ATP5MJ: variants seen among roughly 807,000 people sequenced by gnomAD.
ATP5MJ encodes the protein ATP synthase F(0) complex subunit j, mitochondrial.
In ATP5MJ, 4 loss-of-function variants were observed where a neutral mutation model predicts 8.3. That is an observed-to-expected ratio of 0.48 (90% CI 0.24 to 1.11). The LOEUF is 1.11. Among genes scored for constraint, ATP5MJ ranks in the 50% least tolerant of loss-of-function variants. ATP5MJ has a pLI of 0.18. For missense variants in ATP5MJ, 66 were observed against 71.8 expected (o/e 0.92, Z 0.29); for synonymous variants, 23 against 21.3 (o/e 1.08, Z -0.23).
chr14:103,914,837 C>CAAAAAAAAAA (rs35916279), intron 2 of ATP5MJ: 54 of 190,894 alleles, frequency 2.8e-4, no homozygotes, highest in African/African-American at 4.3e-4. Flanking sequence ...AGACTGTCTC[C>CAAAAAAAAAA]AAAAAAAAAA....
At position 103,912,407 on chromosome 14, in the gene ATP5MJ, C is replaced by A. The variant is rs1365230739; in HGVS notation, c.*259G>T. On this transcript the variant is annotated 3_prime_UTR_variant, in exon 4 of 4. Transcript: ENST00000286953. The stretch of plus-strand genomic sequence containing the variant: ...AATTATTTCACAATGATGGGTGGCT[C>A]AGTGAGATTCTGATTGCATGCGCTG... The A allele has an allele frequency of 2.1e-6, 1 of 470,706 alleles. No individual in the cohort carries two copies. Among genetic ancestry groups the A allele is most frequent in the Non-Finnish European group, 3.8e-6 (1 of 262,702 alleles). 29.2% of individuals were successfully genotyped at this position (470,706 alleles called of 1,614,324 possible).
rs868421329 is a variant in ATP5MJ at position 103,918,381 on chromosome 14, A to T, written c.-1+3089T>A. 1.6e-4 allele frequency among the ~76,000 whole-genome samples: 24 copies of T among 150,226 alleles called. 1 individual carries two copies. The highest frequency in any genetic ancestry group is 1.0e-3 in the South Asian group (5 of 4,762). On this transcript the variant is annotated intron_variant, in intron 1 of 3. Coordinates refer to ENST00000286953, the MANE Select transcript of ATP5MJ (RefSeq NM_004894.3). ...GAGGTTTTTTTTTTTCTCTTTTTTG[A>T]GACGGAGTCTCGCTCTGTCACCCAG... is the stretch of plus-strand genomic sequence containing the variant.
At chr14:103,913,931 C>A in intron 3 of ATP5MJ, 30 bp downstream of exon 3, 1 of 1,609,034 alleles carries the variant, frequency 6.2e-7, no homozygotes, top group Non-Finnish European at 8.5e-7. Context: ...GTTTTCCATT[C>A]CCAACCATTT....
At chr14:103,915,584 C>T (rs115514663) in intron 1 of ATP5MJ, among the ~76,000 whole-genome samples, 2,293 of 151,470 alleles carry the variant, frequency 0.015, 58 homozygotes, top group African/African-American at 0.053. Context: ...TGAGTGCAGG[C>T]GATCTGCCTT....
intron 1 of ATP5MJ, among the ~76,000 whole-genome samples, chr14:103,917,159 G>A (rs944839287): frequency 3.3e-5 from 5 of 152,170 alleles, no homozygotes; most frequent in African/African-American, 1.2e-4. Flanking sequence ...AAGGAATAGG[G>A]AGGCCACAGT....
chr14:103,921,272 C>A (rs2087676062), intron 1 of ATP5MJ, 198 bp downstream of exon 1: 1 of 482,860 alleles, frequency 2.1e-6, no homozygotes, highest in Non-Finnish European at 3.8e-6. Context: ...GGAAACGCGG[C>A]GCAGGCCTAG....
intron 1 of ATP5MJ, among the ~76,000 whole-genome samples, chr14:103,919,560 T>C (rs1243019254): frequency 1.3e-5 from 2 of 151,994 alleles, no homozygotes; most frequent in Non-Finnish European, 2.9e-5. Context: ...CAAGGTAAGA[T>C]GAGGGTCTAT....
Position 103,914,194 on chromosome 14 carries a change from T to G in ATP5MJ, c.125-210A>C, listed in dbSNP as rs565105771. 202 of 592,364 alleles carry G rather than the reference T, an allele frequency of 3.4e-4. 6 individuals are homozygous for G. The South Asian group carries it at 4.1e-3, about 12-fold the overall frequency. The allele number at this position is 592,364 out of a possible 1,614,324, so 36.7% of individuals were successfully genotyped here. A position where few individuals can be genotyped will look rare whatever the true frequency, so the allele number is the denominator to read the frequency against. ...GCCCTTTCAAATTTGCAGGGCTCCT[T>G]ACCTTCTACAATGTCCTAAACTTTA... On this transcript the variant is annotated intron_variant, in intron 2 of 3. Coordinates refer to ENST00000286953, the MANE Select transcript of ATP5MJ (RefSeq NM_004894.3).
Position 103,919,801 on chromosome 14 carries a change from A to G in ATP5MJ, c.-1+1669T>C, listed in dbSNP as rs74086754. 2.1e-3 allele frequency among the ~76,000 whole-genome samples: 324 copies of G among 151,696 alleles called. 1 individual carries two copies. Among genetic ancestry groups the G allele is most frequent in the African/African-American group, 7.6e-3 (314 of 41,352 alleles). On this transcript the variant is annotated intron_variant, in intron 1 of 3. Transcript: ENST00000286953. ...TGCCATATTTGCCTGGACAAGTGAC[A>G]TGTTCCCAATACATAATAAAACGAG...
Position 103,912,630 on chromosome 14 carries a change from G to A in ATP5MJ, c.*36C>T. 6.2e-6 allele frequency: 10 copies of A among 1,610,372 alleles called. No homozygotes were observed. The highest frequency in any genetic ancestry group is 8.5e-6 in the Non-Finnish European group (10 of 1,177,054). ...GCTTGCTGAAATTTACAGGCAGACT[G>A]ACGTTTTCTTTCACATGTACTCCAA... On this transcript the variant is annotated 3_prime_UTR_variant, in exon 4 of 4. Coordinates refer to ENST00000286953, the MANE Select transcript of ATP5MJ (RefSeq NM_004894.3).
At chr14:103,921,034 C>G in intron 1 of ATP5MJ, 1 of 1,551,600 alleles carries the variant, frequency 6.4e-7, no homozygotes, top group Non-Finnish European at 8.7e-7. Flanking sequence ...TTGCCTCACC[C>G]AAGTTGTCAT....
rs2087678360 is a variant in ATP5MJ at position 103,921,475 on chromosome 14, C to T, written c.-6G>A. On this transcript the variant is annotated 5_prime_UTR_variant, in exon 1 of 4. Transcript: ENST00000286953. ...GTCCAGGTCCCCGTACTCACCTTGG[C>T]GCAGGACAGACGGCTCAGAACGCAC... 5.2e-6 allele frequency: 1 copy of T among 191,326 alleles called. No homozygotes were observed. Among genetic ancestry groups the T allele is most frequent in the African/African-American group, 2.3e-5 (1 of 43,216 alleles). The allele number at this position is 191,326 out of a possible 1,614,324, so 11.9% of individuals were successfully genotyped here.
intron 1 of ATP5MJ, among the ~76,000 whole-genome samples, chr14:103,916,859 C>T (rs991316295): frequency 3.3e-5 from 5 of 152,124 alleles, no homozygotes; most frequent in African/African-American, 9.7e-5. Context: ...CCAAAGAATC[C>T]GAATGCTCGG....
intron 1 of ATP5MJ, among the ~76,000 whole-genome samples, chr14:103,918,546 G>C (rs1411040579): frequency 3.9e-5 from 6 of 151,904 alleles, no homozygotes; most frequent in East Asian, 2.0e-4. Context: ...ATTTTTAGTA[G>C]AGACTTGGTT....
intron 1 of ATP5MJ, among the ~76,000 whole-genome samples, chr14:103,917,724 T>A (rs2087636703): frequency 6.6e-6 from 1 of 152,224 alleles, no homozygotes; most frequent in Admixed American, 6.5e-5. Flanking sequence ...CTGCCCTGAT[T>A]GTGGTTAGTT....
At chr14:103,916,597 T>C (rs1156517729) in intron 1 of ATP5MJ, among the ~76,000 whole-genome samples, 1 of 152,034 alleles carries the variant, frequency 6.6e-6, no homozygotes, top group Non-Finnish European at 1.5e-5. Context: ...CCAGGTGTGG[T>C]GGTGCTTGCC....
At chr14:103,916,332 GC>G (rs1436912823) in intron 1 of ATP5MJ, among the ~76,000 whole-genome samples, 1 of 152,152 alleles carries the variant, frequency 6.6e-6, no homozygotes, top group Non-Finnish European at 1.5e-5. Flanking sequence ...CAAATTAGAT[GC>G]CCTCATTTTC....
intron 1 of ATP5MJ, among the ~76,000 whole-genome samples, chr14:103,916,736 A>G (rs372904675): frequency 2.4e-4 from 37 of 152,042 alleles, no homozygotes; most frequent in African/African-American, 8.7e-4. Flanking sequence ...ACAAAGTGAG[A>G]CTCTGTCTCA....
chr14:103,916,244 C>T (rs933425679), intron 1 of ATP5MJ, among the ~76,000 whole-genome samples: 1 of 152,210 alleles, frequency 6.6e-6, no homozygotes, highest in East Asian at 1.9e-4. Context: ...AAATTCCAAA[C>T]TTACAGTTTG....
Sources: allele counts gnomAD v4.1 joint callset (sites outside exome capture counted in the v4.1 genomes callset), GRCh38; gene constraint gnomAD v4.1.1; transcripts MANE v1.5; gene names NCBI Gene and HGNC (gene_info 2026-07-23, HGNC 2026-07-21).